CHRDL1: variants seen among roughly 807,000 people sequenced by gnomAD.
CHRDL1 encodes the protein chordin like 1, also known as chordin-like protein 1.
CHRDL1 carries 19 observed loss-of-function variants against 40.9 expected under a neutral mutation model. The observed-to-expected ratio is 0.46, with a 90% CI of 0.32 to 0.68. CHRDL1 has a LOEUF of 0.68. Among genes scored for constraint, CHRDL1 ranks in the 30% least tolerant of loss-of-function variants. The pLI is 0.03. For synonymous variants in CHRDL1, 136 were observed against 123.4 expected, an observed-to-expected ratio of 1.10 and a Z score of -0.68; for missense variants, 329 against 352.1, an observed-to-expected ratio of 0.93 and a Z score of 0.53.
chrX:110,773,518 G>A (rs955854545), intron 2 of CHRDL1, among the ~76,000 whole-genome samples: 8 of 110,112 alleles, frequency 7.3e-5, no homozygotes, highest in African/African-American at 2.6e-4. Flanking sequence ...CACGAGTTAA[G>A]GAGATCTAGA....
At chrX:110,699,268 A>T (rs1299623409) in intron 7 of CHRDL1, among the ~76,000 whole-genome samples, 2 of 111,651 alleles carry the variant, frequency 1.8e-5, no homozygotes, top group Non-Finnish European at 3.8e-5. Flanking sequence ...GCAAGCTGGG[A>T]GCATGCAAGT....
intron 4 of CHRDL1, among the ~76,000 whole-genome samples, chrX:110,738,478 C>A (rs772981127): frequency 9.0e-6 from 1 of 110,958 alleles, no homozygotes; most frequent in South Asian, 3.9e-4. Flanking sequence ...TAAGAAATAC[C>A]ACACCTGTAA....
At chrX:110,717,179 G>T (rs1004107307) in intron 6 of CHRDL1, among the ~76,000 whole-genome samples, 3 of 111,698 alleles carry the variant, frequency 2.7e-5, no homozygotes, top group Non-Finnish European at 3.8e-5. Context: ...CTGCTTAAAT[G>T]CAGATTCCTG....
intron 2 of CHRDL1, among the ~76,000 whole-genome samples, chrX:110,767,277 G>A (rs1421163832): frequency 9.0e-6 from 1 of 110,915 alleles, no homozygotes; most frequent in Non-Finnish European, 1.9e-5. Context: ...CTGAGAACTG[G>A]AGCAAGACAA....
chrX:110,769,614 T>C (rs186307498), intron 2 of CHRDL1, among the ~76,000 whole-genome samples: 7 of 112,173 alleles, frequency 6.2e-5, no homozygotes, highest in Non-Finnish European at 1.1e-4. Context: ...ATTGGACTTA[T>C]AGTTCTATGT....
chrX:110,778,619 A>G (rs903167337), intron 2 of CHRDL1, among the ~76,000 whole-genome samples: 1 of 111,717 alleles, frequency 9.0e-6, no homozygotes, highest in Non-Finnish European at 1.9e-5. Context: ...CTGGCAAGTT[A>G]TGGAGAAAAG....
At chrX:110,739,128 T>C (rs1603210759) in intron 4 of CHRDL1, among the ~76,000 whole-genome samples, 1 of 112,206 alleles carries the variant, frequency 8.9e-6, no homozygotes, top group East Asian at 2.8e-4. Flanking sequence ...TCAGGACTAG[T>C]CTTCTGTTCA....
At chrX:110,750,321 G>T (rs1477222852) in intron 4 of CHRDL1, among the ~76,000 whole-genome samples, 1 of 111,511 alleles carries the variant, frequency 9.0e-6, no homozygotes, top group African/African-American at 3.3e-5. Context: ...GGAAGTGGGG[G>T]TGGGCTTGGG....
chrX:110,696,897 G>A (rs1251910847), intron 7 of CHRDL1, among the ~76,000 whole-genome samples: 2 of 110,836 alleles, frequency 1.8e-5, no homozygotes, highest in Non-Finnish European at 3.8e-5. Context: ...GGTGGTGTGT[G>A]ATTTTGATTT....
At chrX:110,714,443 GAAGA>G (rs1279056800) in intron 6 of CHRDL1, among the ~76,000 whole-genome samples, 1 of 111,819 alleles carries the variant, frequency 8.9e-6, no homozygotes, top group African/African-American at 3.3e-5. Context: ...TCTTTTGCAG[GAAGA>G]TAGATGGAGT....
intron 4 of CHRDL1, among the ~76,000 whole-genome samples, chrX:110,736,939 CA>C (rs1299132745): frequency 3.6e-5 from 4 of 111,786 alleles, no homozygotes; most frequent in African/African-American, 1.3e-4. Flanking sequence ...GATGAGGAAA[CA>C]AAGGCTAGGA....
intron 2 of CHRDL1, among the ~76,000 whole-genome samples, chrX:110,781,253 T>C (rs2089937350): frequency 9.0e-6 from 1 of 111,331 alleles, no homozygotes; most frequent in Non-Finnish European, 1.9e-5. Flanking sequence ...GCATTTCACA[T>C]ATACAACTTA....
chrX:110,754,070 G>T (rs935994493), intron 4 of CHRDL1, among the ~76,000 whole-genome samples: 1 of 112,331 alleles, frequency 8.9e-6, no homozygotes, highest in Non-Finnish European at 1.9e-5. Context: ...GAAGCCATTT[G>T]CCCTACATTC....
At chrX:110,768,566 G>A (rs1180992906) in intron 2 of CHRDL1, among the ~76,000 whole-genome samples, 2 of 111,128 alleles carry the variant, frequency 1.8e-5, no homozygotes, top group Non-Finnish European at 3.8e-5. Flanking sequence ...GAAAAAGCAG[G>A]TAGAAGAAGG....
At chrX:110,716,922 C>G (rs932875263) in intron 6 of CHRDL1, among the ~76,000 whole-genome samples, 8 of 111,723 alleles carry the variant, frequency 7.2e-5, no homozygotes, top group Admixed American at 6.7e-4. Context: ...ATGGCCACCA[C>G]TCATTCATCT....
chrX:110,712,236 G>A (rs1280009469), intron 6 of CHRDL1, among the ~76,000 whole-genome samples: 1 of 112,148 alleles, frequency 8.9e-6, no homozygotes, highest in African/African-American at 3.2e-5. Context: ...TAGAGTGATT[G>A]GGCAAAACTA....
intron 4 of CHRDL1, among the ~76,000 whole-genome samples, chrX:110,738,612 G>A (rs2071304607): frequency 9.1e-6 from 1 of 109,362 alleles, no homozygotes; most frequent in African/African-American, 3.3e-5. Flanking sequence ...CGTGGTGGCG[G>A]GCGCCTGTAG....
chrX:110,710,676 C>T (rs1326333585), intron 6 of CHRDL1, among the ~76,000 whole-genome samples: 1 of 111,505 alleles, frequency 9.0e-6, no homozygotes, highest in African/African-American at 3.3e-5. Flanking sequence ...TCAGCAAGTA[C>T]GTGGGGATGA....
rs1391702214 is a variant in CHRDL1, at chrX:110,689,770, T to C, written c.779-967A>G. Among the ~76,000 whole-genome samples, 14 of 71,815 alleles carry C rather than the reference T, an allele frequency of 1.9e-4. 1 individual carries two copies. Among genetic ancestry groups the C allele is most frequent in the Admixed American group, 3.9e-4 (2 of 5,075 alleles). 62.4% of individuals were successfully genotyped at this position (71,815 alleles called of 115,157 possible). The stretch of plus-strand genomic sequence containing the variant: ...ATCTATATATCTATATATCTATATA[T>C]ATCTATATATCTATATATATCTATA... On this transcript the variant is annotated intron_variant, in intron 8 of 11. Transcript: ENST00000372042.
Sources: gnomAD v4.1 joint callset for allele counts (sites outside exome capture counted in the v4.1 genomes callset) on GRCh38, gnomAD v4.1.1 for gene constraint, MANE v1.5 for transcripts, NCBI Gene and HGNC (gene_info 2026-07-23, HGNC 2026-07-21) for gene names.